Variants in SDCBP2 observed in about 807,000 individuals in gnomAD.
SDCBP2 encodes the protein syntenin-2.
A neutral mutation model predicts 30.7 loss-of-function variants in SDCBP2; 28 were observed. The ratio of observed to expected loss-of-function variants is 0.91; its 90% CI spans 0.68 to 1.25. The LOEUF (loss-of-function observed/expected upper bound fraction) is 1.25, where lower values mean the gene tolerates loss of function less well. Among genes scored for constraint, SDCBP2 ranks in the 50% most tolerant of loss-of-function variants. The probability of loss-of-function intolerance (pLI) is 0.00; values close to 1 mark genes in which losing one functional copy is unlikely to be tolerated. For missense variants in SDCBP2, 399 were observed against 379.0 expected, an observed-to-expected ratio of 1.05 and a Z score of -0.44; for synonymous variants, 166 against 157.3, an observed-to-expected ratio of 1.06 and a Z score of -0.41.
At chr20:1,326,547 TTC>T (rs1197080140) in intron 1 of SDCBP2, among the ~76,000 whole-genome samples, 6 of 152,258 alleles carry the variant, frequency 3.9e-5, no homozygotes, top group Non-Finnish European at 8.8e-5. Flanking sequence ...CATTCATGCC[TTC>T]TCTCTTTTCC....
intron 7 of SDCBP2, 61 bp downstream of exon 7, chr20:1,312,276 C>T (rs2088684408): frequency 6.5e-7 from 1 of 1,548,156 alleles, no homozygotes. Context: ...AAGCAAGCTG[C>T]CCAAAGACCT....
intron 7 of SDCBP2, 129 bp from the exon 8 acceptor site, chr20:1,311,020 G>T (rs1288653558): frequency 6.2e-6 from 4 of 642,678 alleles, no homozygotes; most frequent in African/African-American, 3.7e-5. Context: ...GCAGGGCAGG[G>T]CTGCCTCGGA....
chr20:1,326,220 T>G (rs1250900938), intron 1 of SDCBP2, among the ~76,000 whole-genome samples: 4 of 152,208 alleles, frequency 2.6e-5, no homozygotes, highest in Non-Finnish European at 5.9e-5. Flanking sequence ...TCGCAGATTA[T>G]CCAAACTGGA....
chr20:1,318,722 C>G (rs2088814030), intron 3 of SDCBP2, among the ~76,000 whole-genome samples: 1 of 152,198 alleles, frequency 6.6e-6, no homozygotes, highest in Non-Finnish European at 1.5e-5. Flanking sequence ...TGGCAGGGTC[C>G]TAATCCCTTC....
chr20:1,313,761 C>T lies in SDCBP2; in HGVS notation c.226-263G>A, dbSNP rs6041326. The stretch of plus-strand genomic sequence containing the variant: ...GATACAGGAAGAGGCCCTTCATTTC[C>T]CAAGGGAAACTGGCATCAGGAAAAG... On this transcript the variant is annotated intron_variant, in intron 4 of 8. Coordinates refer to ENST00000360779, the MANE Select transcript of SDCBP2 (RefSeq NM_080489.5). This position sits in a 1 kb window ranked among gnomAD's most constrained non-coding sequence, Gnocchi z 5.2. 9.6e-6 allele frequency: 8 copies of T among 829,670 alleles called. No individual in the cohort carries two copies. The highest frequency in any genetic ancestry group is 7.1e-5 in the African/African-American group (4 of 56,588). The allele number at this position is 829,670 out of a possible 1,614,324, so 51.4% of individuals were successfully genotyped here. A position where few individuals can be genotyped will look rare whatever the true frequency, so the allele number is the denominator to read the frequency against.
At chr20:1,318,047 C>T in intron 4 of SDCBP2, 1 of 500,762 alleles carries the variant, frequency 2.0e-6, no homozygotes, top group Non-Finnish European at 3.9e-6. Flanking sequence ...TAATGACCTC[C>T]CTTCTCATCC....
At chr20:1,315,599 T>C (rs1049581776) in intron 4 of SDCBP2, among the ~76,000 whole-genome samples, 2 of 152,164 alleles carry the variant, frequency 1.3e-5, no homozygotes, top group African/African-American at 4.8e-5. Flanking sequence ...GAACTTTGAC[T>C]GAAACCTAAC....
At position 1,320,515 on chromosome 20, in the gene SDCBP2, A is replaced by G. The variant is rs966317279; in HGVS notation, c.-19-80T>C. 3.5e-6 allele frequency: 4 copies of G among 1,131,772 alleles called. No individual in the cohort carries two copies. The Admixed American group carries it at 6.3e-5, about 18-fold the overall frequency. 70.1% of individuals were successfully genotyped at this position (1,131,772 alleles called of 1,614,324 possible). On this transcript the variant is annotated intron_variant, in intron 1 of 8. Transcript: ENST00000360779. This position sits in a 1 kb window ranked among gnomAD's most constrained non-coding sequence, Gnocchi z 4.7. ...AGGAGGCACAGACATCCGCAACAGC[A>G]AGCGGGTTGGAACTTAATATTCAAA... is the stretch of plus-strand genomic sequence containing the variant.
intron 8 of SDCBP2, 149 bp downstream of exon 8, chr20:1,310,651 G>A (rs903490070): frequency 2.3e-5 from 23 of 996,226 alleles, no homozygotes; most frequent in East Asian, 1.0e-4. Flanking sequence ...CTTGGAGGGA[G>A]GGGAAGGGAG....
At position 1,313,680 on chromosome 20, in the gene SDCBP2, G is replaced by A. The variant is rs2088723995; in HGVS notation, c.226-182C>T. 4 of 1,368,954 alleles carry A rather than the reference G, an allele frequency of 2.9e-6. No individual in the cohort carries two copies. The highest frequency in any genetic ancestry group is 2.8e-6 in the Non-Finnish European group (3 of 1,062,932). 84.8% of individuals were successfully genotyped at this position (1,368,954 alleles called of 1,614,324 possible). A position where few individuals can be genotyped will look rare whatever the true frequency, so the allele number is the denominator to read the frequency against. ...GACGTGGCTCCACGCGGCCACTAGG[G>A]GGCGTCAAAGTCCATGCCCTTAAAA... On this transcript the variant is annotated intron_variant, in intron 4 of 8. Coordinates refer to ENST00000360779, the MANE Select transcript of SDCBP2 (RefSeq NM_080489.5). This position sits in a 1 kb window ranked among gnomAD's most constrained non-coding sequence, Gnocchi z 5.2.
chr20:1,322,272 C>G (rs2088859383), intron 1 of SDCBP2: 1 of 152,256 alleles, frequency 6.6e-6, no homozygotes, highest in Non-Finnish European at 1.5e-5. Flanking sequence ...TGTGCTCCCC[C>G]TAGCCCCTGC....
rs984818371 is a variant in SDCBP2, at chr20:1,320,584, C to T, written c.-19-149G>A. ...CTTAGAATGCCTCCCCGAACTCCACCCCTAATCCCCTGTCGATATTTGAAC... is the reference window on the plus strand; with the variant it reads ...CTTAGAATGCCTCCCCGAACTCCACTCCTAATCCCCTGTCGATATTTGAAC... On this transcript the variant is annotated intron_variant, in intron 1 of 8. Coordinates refer to ENST00000360779, the MANE Select transcript of SDCBP2 (RefSeq NM_080489.5). The surrounding 1 kb of genome is among the most constrained non-coding windows in gnomAD (Gnocchi z 4.7). 1.9e-4 allele frequency: 112 copies of T among 587,644 alleles called. 1 individual carries two copies. The South Asian group carries it at 2.2e-3, about 12-fold the overall frequency. The allele number at this position is 587,644 out of a possible 1,614,324, so 36.4% of individuals were successfully genotyped here. A position where few individuals can be genotyped will look rare whatever the true frequency, so the allele number is the denominator to read the frequency against.
At chr20:1,310,745 G>C in intron 8 of SDCBP2, 55 bp downstream of exon 8, 1 of 1,482,784 alleles carries the variant, frequency 6.7e-7, no homozygotes, top group Non-Finnish European at 9.3e-7. Flanking sequence ...AGGCCGGGAG[G>C]TGAAGGGGAT....
At chr20:1,317,059 A>G (rs1334841732) in intron 4 of SDCBP2, among the ~76,000 whole-genome samples, 1 of 152,198 alleles carries the variant, frequency 6.6e-6, no homozygotes, top group African/African-American at 2.4e-5. Context: ...GATGGAAAAC[A>G]GAGGGCCGGA....
In SDCBP2 at chr20:1,320,287, C is replaced by T; in HGVS notation, c.54+76G>A. On this transcript the variant is annotated intron_variant, in intron 2 of 8. Coordinates refer to ENST00000360779, the MANE Select transcript of SDCBP2 (RefSeq NM_080489.5). This position sits in a 1 kb window ranked among gnomAD's most constrained non-coding sequence, Gnocchi z 4.7. ...GCCTACGGGAATCTCCAAGTGGCCC[C>T]AGTACCCAGCACCTTCCAGGGTAAT... 1 of 1,383,910 alleles carries T rather than the reference C, an allele frequency of 7.2e-7. No homozygotes were observed. Among genetic ancestry groups the T allele is most frequent in the Admixed American group, 1.8e-5 (1 of 54,092 alleles). 85.7% of individuals were successfully genotyped at this position (1,383,910 alleles called of 1,614,324 possible). A position where few individuals can be genotyped will look rare whatever the true frequency, so the allele number is the denominator to read the frequency against.
chr20:1,319,347 TCA>T (rs2088821906), intron 3 of SDCBP2, among the ~76,000 whole-genome samples: 1 of 152,142 alleles, frequency 6.6e-6, no homozygotes, highest in Non-Finnish European at 1.5e-5. Context: ...AAACAGGGGT[TCA>T]CCAGGCAGTC....
chr20:1,312,132 T>TA (rs11087031), intron 7 of SDCBP2, among the ~76,000 whole-genome samples: 150,840 of 152,082 alleles, frequency 0.99, 74,817 homozygotes, highest in Middle Eastern at 1. Context: ...CTCCTGGACT[T>TA]AGTGATCCTC....
intron 1 of SDCBP2, chr20:1,323,606 T>C (rs374240484): frequency 9.8e-5 from 15 of 152,286 alleles, no homozygotes; most frequent in African/African-American, 3.4e-4. Flanking sequence ...GGTACAGTCG[T>C]TCCTTGGGGT....
At position 1,312,966 on chromosome 20, in the gene SDCBP2, T is replaced by C. The variant is rs1229446468; in HGVS notation, c.385-204A>G. On this transcript the variant is annotated intron_variant, in intron 5 of 8. Coordinates refer to ENST00000360779, the MANE Select transcript of SDCBP2 (RefSeq NM_080489.5). Reference sequence around the variant, plus strand: ...TAGTTAGGAAGCAGGTGAGTCAGGATTTCAACCCTGGCCTGGGGCTGCACT... The same window carrying C: ...TAGTTAGGAAGCAGGTGAGTCAGGACTTCAACCCTGGCCTGGGGCTGCACT... The C allele has an allele frequency of 1.3e-5, 8 of 620,618 alleles. No homozygotes were observed. The East Asian group carries it at 2.2e-4, about 17-fold the overall frequency. 38.4% of individuals were successfully genotyped at this position (620,618 alleles called of 1,614,324 possible).
Sources: gnomAD v4.1 joint callset for allele counts (sites outside exome capture counted in the v4.1 genomes callset) on GRCh38, gnomAD v4.1.1 for gene constraint, Gnocchi (gnomAD v3.1) non-coding constraint, MANE v1.5 for transcripts, NCBI Gene and HGNC (gene_info 2026-07-23, HGNC 2026-07-21) for gene names.